LGR6: variants seen among roughly 807,000 people sequenced by gnomAD.
LGR6 encodes the protein leucine rich repeat containing G protein-coupled receptor 6, also known as leucine-rich repeat-containing G protein-coupled receptor 6.
A neutral mutation model predicts 69.4 loss-of-function variants in LGR6; 45 were observed. The observed-to-expected ratio is 0.65, with a 90% confidence interval of 0.51 to 0.83. LGR6 has a LOEUF of 0.83. LGR6 is among the 40% of genes least tolerant of loss of function. The pLI is 0.00. For synonymous variants in LGR6, 538 were observed against 555.0 expected (o/e 0.97, Z 0.43); for missense variants, 1,108 against 1,246.7 (o/e 0.89, Z 1.68).
Position 202,307,066 on chromosome 1 carries a change from C to T in LGR6, c.1208+127C>T, listed in dbSNP as rs1653292469. ...ACATGCACATCGCCTCCCAGCTCCA[C>T]AGCCCCCACCCCCAGCACACACACA... On this transcript the variant is annotated intron_variant, in intron 13 of 17. Transcript: ENST00000367278. The T allele has an allele frequency of 1.6e-5, 13 of 814,812 alleles. No individual in the cohort carries two copies. In the South Asian group the frequency reaches 2.0e-4, roughly 13 times the overall value. 50.5% of individuals were successfully genotyped at this position (814,812 alleles called of 1,614,324 possible).
At position 202,318,255 on chromosome 1, in the gene LGR6, T is replaced by G; in HGVS notation, c.1952T>G (p.Leu651Arg). 1 of 1,610,788 alleles carries G rather than the reference T, an allele frequency of 6.2e-7. No homozygotes were observed. The highest frequency in any genetic ancestry group is 1.1e-5 in the South Asian group (1 of 90,686). The part of the protein sequence containing the change: ...GCRATGFLAV[L>R]GSEASVLLLT... ...CGGGCCACTGGCTTCCTGGCAGTAC[T>G]TGGGTCGGAGGCATCGGTGCTGCTG... Residue 651 changes from leucine to arginine, a missense_variant, in exon 18 of 18, where the codon CTT becomes CGT. Transcript: ENST00000367278.
At chr1:202,307,755 T>G (rs535897650) in intron 14 of LGR6, among the ~76,000 whole-genome samples, 1 of 152,292 alleles carries the variant, frequency 6.6e-6, no homozygotes, top group Non-Finnish European at 1.5e-5. Flanking sequence ...GAAGTAGATG[T>G]GGGAGCCAGG....
chr1:202,255,588 C>T (rs899006006), intron 4 of LGR6, among the ~76,000 whole-genome samples: 1 of 152,092 alleles, frequency 6.6e-6, no homozygotes. Flanking sequence ...TATACACTGA[C>T]GTACTTTGTT....
intron 6 of LGR6, among the ~76,000 whole-genome samples, chr1:202,281,784 C>T (rs1002184631): frequency 1.3e-5 from 2 of 151,992 alleles, no homozygotes; most frequent in African/African-American, 4.8e-5. Flanking sequence ...ACCAACCCCC[C>T]TTATTCTCCA....
intron 1 of LGR6, among the ~76,000 whole-genome samples, chr1:202,220,361 G>A (rs1211488818): frequency 6.6e-6 from 1 of 151,914 alleles, no homozygotes. Flanking sequence ...TGGGATTACA[G>A]GCACCTGTCA....
At chr1:202,301,361 C>A in intron 9 of LGR6, 126 bp downstream of exon 9, 1 of 796,454 alleles carries the variant, frequency 1.3e-6, no homozygotes, top group Non-Finnish European at 2.1e-6. Flanking sequence ...AAAGCGTGGT[C>A]TTCAAGGCTG....
intron 12 of LGR6, 58 bp from the exon 13 acceptor site, chr1:202,306,810 A>G (rs1270780056): frequency 1.3e-6 from 2 of 1,495,274 alleles, no homozygotes; most frequent in Admixed American, 1.7e-5. Flanking sequence ...CTCGGGGGGC[A>G]TGGAGCGGAG....
At chr1:202,198,684 T>G (rs867516007) in intron 1 of LGR6, among the ~76,000 whole-genome samples, 2,432 of 150,976 alleles carry the variant, frequency 0.016, 78 homozygotes, top group African/African-American at 0.054. Flanking sequence ...TTTTTTTTTT[T>G]TTTTTTTTTT....
At chr1:202,277,503 G>A (rs1187662986) in intron 5 of LGR6, among the ~76,000 whole-genome samples, 1 of 152,110 alleles carries the variant, frequency 6.6e-6, no homozygotes, top group Non-Finnish European at 1.5e-5. Flanking sequence ...AAGGTGATTG[G>A]TTCTAACTTT....
At chr1:202,208,798 C>T (rs6663303) in intron 1 of LGR6, among the ~76,000 whole-genome samples, 44,739 of 152,010 alleles carry the variant, frequency 0.29, 7,822 homozygotes, top group Non-Finnish European at 0.39. Flanking sequence ...CACCATGTTG[C>T]GGGGCCCAGG....
intron 7 of LGR6, among the ~76,000 whole-genome samples, chr1:202,298,373 T>G (rs1167553393): frequency 2.0e-5 from 3 of 152,050 alleles, no homozygotes; most frequent in African/African-American, 4.8e-5. Context: ...GAAGTTGAGC[T>G]GGCAGAGGGA....
intron 16 of LGR6, among the ~76,000 whole-genome samples, 173 bp downstream of exon 16, chr1:202,310,530 T>C (rs530496401): frequency 7.9e-5 from 12 of 152,116 alleles, no homozygotes; most frequent in African/African-American, 2.7e-4. Context: ...GTTTGCACTT[T>C]GTCTCTCCAA....
chr1:202,317,239 C>T (rs143606440), intron 17 of LGR6, among the ~76,000 whole-genome samples: 1 of 152,338 alleles, frequency 6.6e-6, no homozygotes, highest in Non-Finnish European at 1.5e-5. Flanking sequence ...TCCTTGATGG[C>T]AGCCTGTCCT....
At chr1:202,222,633 G>T (rs1051485502) in intron 1 of LGR6, among the ~76,000 whole-genome samples, 1 of 152,176 alleles carries the variant, frequency 6.6e-6, no homozygotes, top group African/African-American at 2.4e-5. Flanking sequence ...AATGAGCCAG[G>T]GGTGGGACAC....
intron 6 of LGR6, 109 bp from the exon 7 acceptor site, chr1:202,297,399 G>A (rs1667239290): frequency 3.7e-6 from 3 of 820,344 alleles, no homozygotes; most frequent in Non-Finnish European, 4.0e-6. Flanking sequence ...CCAACAGATT[G>A]GAAAACCCAT....
At chr1:202,304,156 T>C (rs1442222007) in intron 10 of LGR6, among the ~76,000 whole-genome samples, 1 of 152,136 alleles carries the variant, frequency 6.6e-6, no homozygotes, top group East Asian at 1.9e-4. Flanking sequence ...CCCACTACGG[T>C]GTTTTTCTGT....
chr1:202,318,827 C>A lies in LGR6; in HGVS notation c.2524C>A (p.Arg842=). The change falls in exon 18 of 18, where the codon CGG becomes AGG. Residue 842 remains arginine (R), a synonymous_variant. Coordinates refer to ENST00000367278, the MANE Select transcript of LGR6 (RefSeq NM_001017403.2). ...PHFRDDLRRL[R]PRAGDSGPLA... is the part of the protein sequence containing the mutation. ...CTTCCGGGATGACCTTCGGCGGCTT[C>A]GGCCCCGCGCAGGGGACTCAGGGCC... 1 of 1,613,100 alleles carries A rather than the reference C, an allele frequency of 6.2e-7. No homozygotes were observed. The highest frequency in any genetic ancestry group is 8.5e-7 in the Non-Finnish European group (1 of 1,179,628).
chr1:202,254,193 G>A (rs1222916327), intron 4 of LGR6, among the ~76,000 whole-genome samples: 5 of 152,202 alleles, frequency 3.3e-5, no homozygotes, highest in Admixed American at 6.5e-5. Flanking sequence ...TGATCCACCT[G>A]CCTCAGCCTC....
intron 6 of LGR6, among the ~76,000 whole-genome samples, chr1:202,288,797 T>C (rs2148212225): frequency 6.6e-6 from 1 of 152,316 alleles, no homozygotes; most frequent in Admixed American, 6.5e-5. Context: ...AAGCCAGTTG[T>C]TCAGAACTGC....
Sources: allele counts gnomAD v4.1 joint callset (sites outside exome capture counted in the v4.1 genomes callset), GRCh38; gene constraint gnomAD v4.1.1; transcripts MANE v1.5; gene names NCBI Gene and HGNC (gene_info 2026-07-23, HGNC 2026-07-21).